The following AKT1S1 variants were observed in gnomAD, a reference collection of about 807,000 sequenced individuals.
AKT1S1 encodes the protein AKT1 substrate 1, also known as proline-rich AKT1 substrate 1.
Under a neutral mutation model 21.2 loss-of-function variants are expected in AKT1S1, and 17 were observed. The observed-to-expected ratio is 0.80, with a 90% CI of 0.55 to 1.20. The LOEUF (loss-of-function observed/expected upper bound fraction) is 1.20. AKT1S1 is among the 50% of genes most tolerant of loss of function. AKT1S1 has a pLI of 0.00. For missense variants in AKT1S1, 366 were observed against 368.3 expected, an observed-to-expected ratio of 0.99 and a Z score of 0.05; for synonymous variants, 181 against 165.6, an observed-to-expected ratio of 1.09 and a Z score of -0.72.
chr19:49,877,875 C>A, upstream of AKT1S1: 2 of 1,142,904 alleles, frequency 1.7e-6, no homozygotes, highest in African/African-American at 1.6e-5. Flanking sequence ...CTTATAAACG[C>A]GCCGTCACCC....
Position 49,869,734 on chromosome 19 carries a change from C to T in AKT1S1, c.*183G>A. The T allele has an allele frequency of 4.7e-6, 3 of 644,698 alleles. No individual in the cohort carries two copies. The highest frequency in any genetic ancestry group is 3.4e-5 in the East Asian group (1 of 29,276). The allele number at this position is 644,698 out of a possible 1,614,324, so 39.9% of individuals were successfully genotyped here. On this transcript the variant is annotated 3_prime_UTR_variant, in exon 5 of 5. Coordinates refer to ENST00000344175, the MANE Select transcript of AKT1S1 (RefSeq NM_001098633.4). ...TCGGGAAACGGGACAGATGCCGCTC[C>T]TCGGCGCGGCAGGTCGTGGGCTGGA...
chr19:49,878,182 G>A (rs1184171911), upstream of AKT1S1: 4 of 1,576,090 alleles, frequency 2.5e-6, no homozygotes, highest in East Asian at 2.4e-5. Flanking sequence ...GCACACCAGC[G>A]CTAAGAAGTA....
chr19:49,877,414 G>C (rs994607244), upstream of AKT1S1: 1 of 430,280 alleles, frequency 2.3e-6, no homozygotes, highest in Non-Finnish European at 4.2e-6. Context: ...GTTTCAAGGC[G>C]TGCTTGCCCC....
chr19:49,876,718 T>G (rs2074951218), intron 1 of AKT1S1: 1 of 1,404,302 alleles, frequency 7.1e-7, no homozygotes, highest in Non-Finnish European at 9.3e-7. Flanking sequence ...TCCGCCTCCC[T>G]TATCGGGGCC....
Position 49,869,124 on chromosome 19 carries a change from G to A in AKT1S1, c.*793C>T, listed in dbSNP as rs1271136029. On this transcript the variant is annotated 3_prime_UTR_variant, in exon 5 of 5. Coordinates refer to ENST00000344175, the MANE Select transcript of AKT1S1 (RefSeq NM_001098633.4). The stretch of plus-strand genomic sequence containing the variant: ...ACCCCTCACTCTCTCCCCCACACCA[G>A]GGCCGGAGAGTGAGGGCCCCTGCCC... The A allele has an allele frequency of 1.3e-5, 2 of 152,524 alleles. No homozygotes were observed. Among genetic ancestry groups the A allele is most frequent in the Non-Finnish European group, 2.9e-5 (2 of 68,046 alleles). The allele number at this position is 152,524 out of a possible 1,614,324, so 9.4% of individuals were successfully genotyped here. A position where few individuals can be genotyped will look rare whatever the true frequency, so the allele number is the denominator to read the frequency against.
At chr19:49,874,620 G>A (rs1259884504) in intron 1 of AKT1S1, 1 of 152,326 alleles carries the variant, frequency 6.6e-6, no homozygotes, top group Non-Finnish European at 1.5e-5. Flanking sequence ...TACTGGGTGA[G>A]AAGAGCGAGG....
At chr19:49,877,858 C>T, upstream of AKT1S1, 2 of 1,316,794 alleles carry the variant, frequency 1.5e-6, no homozygotes, top group Non-Finnish European at 2.1e-6. Flanking sequence ...TTGGCAAACA[C>T]CGATCTCTTA....
Position 49,869,683 on chromosome 19 carries a change from T to C in AKT1S1, c.*234A>G. 2.3e-6 allele frequency: 1 copy of C among 437,142 alleles called. No homozygotes were observed. Among genetic ancestry groups the C allele is most frequent in the Non-Finnish European group, 4.0e-6 (1 of 248,514 alleles). 27.1% of individuals were successfully genotyped at this position (437,142 alleles called of 1,614,324 possible). ...TCCCTTAATAGAAGGAATCTGTCGC[T>C]AGGCGGAGAGAGACGACAGACCCAA... On this transcript the variant is annotated 3_prime_UTR_variant, in exon 5 of 5. Coordinates refer to ENST00000344175, the MANE Select transcript of AKT1S1 (RefSeq NM_001098633.4).
At position 49,869,872 on chromosome 19, in the gene AKT1S1, T is replaced by C. The variant is rs535465246; in HGVS notation, c.*45A>G. 8 of 1,429,782 alleles carry C rather than the reference T, an allele frequency of 5.6e-6. No homozygotes were observed. The highest frequency in any genetic ancestry group is 1.5e-5 in the African/African-American group (1 of 68,324). 88.6% of individuals were successfully genotyped at this position (1,429,782 alleles called of 1,614,324 possible). The stretch of plus-strand genomic sequence containing the variant: ...CCCCGGGAGTGGGGCGGGGGCGTAG[T>C]GTGGGACGGGGCGGACGCGGCCCGG... On this transcript the variant is annotated 3_prime_UTR_variant, in exon 5 of 5. Coordinates refer to ENST00000344175, the MANE Select transcript of AKT1S1 (RefSeq NM_001098633.4).
intron 4 of AKT1S1, 43 bp downstream of exon 4, chr19:49,871,503 GC>G: frequency 6.2e-7 from 1 of 1,611,292 alleles, no homozygotes; most frequent in Non-Finnish European, 8.5e-7. Flanking sequence ...GCGGCTCAGA[GC>G]CCTTCCAGCT....
chr19:49,877,939 G>C (rs889175769), upstream of AKT1S1: 7 of 740,848 alleles, frequency 9.4e-6, no homozygotes, highest in Non-Finnish European at 1.5e-5. Context: ...CCCCGGCTCA[G>C]GCGACTCCTT....
At chr19:49,875,186 C>G (rs2074926114) in intron 1 of AKT1S1, 1 of 152,258 alleles carries the variant, frequency 6.6e-6, no homozygotes, top group Admixed American at 6.5e-5. Context: ...CTGGAAGAGG[C>G]AGGGCTGGGA....
intron 1 of AKT1S1, chr19:49,876,629 G>A (rs1323157012): frequency 7.8e-6 from 12 of 1,530,076 alleles, no homozygotes; most frequent in East Asian, 2.5e-5. Flanking sequence ...TGGCCGGCCC[G>A]GCGCCGTCAC....
Position 49,869,922 on chromosome 19 carries a change from AT to A in AKT1S1, c.765del (p.Lys255AsnfsTer81). The A allele has an allele frequency of 6.6e-7, 1 of 1,521,800 alleles. No individual in the cohort carries two copies. Among genetic ancestry groups the A allele is most frequent in the East Asian group, 2.6e-5 (1 of 38,720 alleles). The allele number at this position is 1,521,800 out of a possible 1,614,324, so 94.3% of individuals were successfully genotyped here. Reference sequence around the variant, plus strand: ...GGGCGCTCCCTCCCTGGACTTCAATATTTCCGCTTCAGCTTCTGGAAGTCGC... The same window carrying A: ...GGGCGCTCCCTCCCTGGACTTCAATATTCCGCTTCAGCTTCTGGAAGTCGC... Reference protein sequence around the residue: ...NTSDFQKLKRKY With the variant: ...NTSDFQKLKRXY On this transcript the variant is annotated frameshift_variant, in exon 5 of 5. Transcript: ENST00000344175. LOFTEE classifies it high-confidence loss of function.
Position 49,869,990 on chromosome 19 carries a change from G to A in AKT1S1, c.698C>T (p.Thr233Ile). Residue 233 changes from threonine to isoleucine, a missense_variant, in exon 5 of 5, where the codon ACC becomes ATC. Physicochemically the swap from Thr to Ile is moderately conservative, Grantham distance 89. Coordinates refer to ENST00000344175, the MANE Select transcript of AKT1S1 (RefSeq NM_001098633.4). The part of the protein sequence containing the change: ...RALVLREAED[T>I]QVFGDLPRPR... ...CCGTGGCAGGTCCCCGAAGACCTGG[G>A]TGTCCTCGGCCTCTCGCAGCACCAG... 1 of 1,548,752 alleles carries A rather than the reference G, an allele frequency of 6.5e-7. No individual in the cohort carries two copies. Among genetic ancestry groups the A allele is most frequent in the South Asian group, 1.2e-5 (1 of 84,060 alleles).
upstream of AKT1S1, chr19:49,877,999 C>T (rs2074972515): frequency 1.3e-6 from 1 of 780,782 alleles, no homozygotes; most frequent in Non-Finnish European, 2.0e-6. Flanking sequence ...GCGGGCTGGA[C>T]CATTCTCCCC....
Position 49,875,978 on chromosome 19 carries a change from G to A in AKT1S1, c.-8+1259C>T, listed in dbSNP as rs996827427. 8.1e-6 allele frequency: 8 copies of A among 985,268 alleles called. No homozygotes were observed. In the Admixed American group the frequency reaches 4.3e-4, roughly 53 times the overall value. 61.0% of individuals were successfully genotyped at this position (985,268 alleles called of 1,614,324 possible). A position where few individuals can be genotyped will look rare whatever the true frequency, so the allele number is the denominator to read the frequency against. On this transcript the variant is annotated intron_variant, in intron 1 of 4. Coordinates refer to ENST00000344175, the MANE Select transcript of AKT1S1 (RefSeq NM_001098633.4). Reference sequence around the variant, plus strand: ...CGTGTAAGATCAGGGAGAGATTAGAGGAAAGTGAGACGTGTTCCCCACAGG... The same window carrying A: ...CGTGTAAGATCAGGGAGAGATTAGAAGAAAGTGAGACGTGTTCCCCACAGG...
rs1053233473 is a variant in AKT1S1 at position 49,873,270 on chromosome 19, A to G, written c.26T>C (p.Leu9Pro). Residue 9 changes from leucine (L) to proline (P), a missense_variant, in exon 2 of 5, where the codon CTG becomes CCG. By Grantham distance (98) the Leu-to-Pro change is moderately conservative. Coordinates refer to ENST00000344175, the MANE Select transcript of AKT1S1 (RefSeq NM_001098633.4). The surrounding 1 kb of genome is among the most constrained non-coding windows in gnomAD (Gnocchi z 6.9). MASGRPEELWEAVVGAAER... is the reference protein window; with the variant it reads MASGRPEEPWEAVVGAAER... ...AGCGGCCCCCACCACGGCCTCCCAC[A>G]GCTCCTCGGGGCGCCCCGACGCCAT... The G allele has an allele frequency of 2.0e-6, 3 of 1,525,718 alleles. No individual in the cohort carries two copies. In the African/African-American group the frequency reaches 4.3e-5, roughly 22 times the overall value. The allele number at this position is 1,525,718 out of a possible 1,614,324, so 94.5% of individuals were successfully genotyped here.
At chr19:49,876,635 G>A (rs2074949254) in intron 1 of AKT1S1, 5 of 1,529,726 alleles carry the variant, frequency 3.3e-6, no homozygotes, top group East Asian at 5.1e-5. Context: ...GCCCGGCGCC[G>A]TCACCGCCCT....
Sources: allele counts gnomAD v4.1 joint callset, GRCh38; gene constraint gnomAD v4.1.1; non-coding constraint Gnocchi (gnomAD v3.1); transcripts MANE v1.5; gene names NCBI Gene and HGNC (gene_info 2026-07-23, HGNC 2026-07-21).